Variants in HUWE1 observed in about 807,000 individuals in gnomAD.
HUWE1 encodes the protein E3 ubiquitin-protein ligase HUWE1.
In HUWE1, 18 loss-of-function variants were observed where a neutral mutation model predicts 299.4. That is an observed-to-expected ratio of 0.06 (90% CI 0.04 to 0.09). The LOEUF is 0.09. Ranked by LOEUF, HUWE1 falls within the 10% of genes least tolerant of loss-of-function variation. The pLI is 1.00. For missense variants in HUWE1, 1,832 were observed against 3,462.3 expected (o/e 0.53, Z 11.82); for synonymous variants, 1,317 against 1,286.1 (o/e 1.02, Z -0.51).
chrX:53,623,473 G>A (rs1557014190), intron 19 of HUWE1, among the ~76,000 whole-genome samples: 2 of 112,051 alleles, frequency 1.8e-5, no homozygotes, highest in Non-Finnish European at 3.8e-5. Flanking sequence ...ACCACAAGAA[G>A]ACTTCCTCAA....
intron 24 of HUWE1, among the ~76,000 whole-genome samples, chrX:53,608,512 T>C (rs2065267895): frequency 8.9e-6 from 1 of 111,857 alleles, no homozygotes; most frequent in Admixed American, 9.4e-5. Context: ...CAGTGTTATG[T>C]TGGTACTCAA....
At chrX:53,588,347 A>C in intron 37 of HUWE1, 35 bp downstream of exon 37, 1 of 1,182,460 alleles carries the variant, frequency 8.5e-7, no homozygotes, top group Non-Finnish European at 1.1e-6. Context: ...TTCTTTCATG[A>C]ATGAATTACA....
Position 53,658,471 on chromosome X carries a change from A to G in HUWE1, c.-24-4340T>C, listed in dbSNP as rs1360659928. ...ATTACCCAAAATCAAGTCTTATCAT[A>G]AGACAACAGTAAGTAAGAGTACTGT... On this transcript the variant is annotated intron_variant, in intron 3 of 83. Coordinates refer to ENST00000262854, the MANE Select transcript of HUWE1 (RefSeq NM_031407.7). 3.6e-5 allele frequency among the ~76,000 whole-genome samples: 4 copies of G among 112,012 alleles called. No individual in the cohort carries two copies. In the East Asian group the frequency reaches 8.3e-4, roughly 23 times the overall value.
At chrX:53,679,320 G>C (rs1232259337) in intron 3 of HUWE1, among the ~76,000 whole-genome samples, 1 of 111,883 alleles carries the variant, frequency 8.9e-6, no homozygotes, top group East Asian at 2.8e-4. Context: ...TCAGAAATCT[G>C]AACATTTTAT....
intron 9 of HUWE1, chrX:53,631,958 G>A: frequency 3.1e-6 from 1 of 322,146 alleles, no homozygotes; most frequent in South Asian, 3.5e-5. Context: ...TTTTCTCTCT[G>A]AATATGTATT....
intron 23 of HUWE1, 27 bp from the exon 24 acceptor site, chrX:53,608,936 C>T: frequency 4.6e-6 from 4 of 862,841 alleles, no homozygotes; most frequent in Non-Finnish European, 6.9e-6. Context: ...GAGTGAGTTA[C>T]ACAGAAATTC....
chrX:53,629,752 A>T (rs1291794537), intron 12 of HUWE1, 136 bp from the exon 13 acceptor site: 1 of 453,114 alleles, frequency 2.2e-6, no homozygotes, highest in Non-Finnish European at 3.9e-6. Context: ...AATCATCACC[A>T]AATTAAATTC....
chrX:53,680,442 G>C lies in HUWE1; in HGVS notation c.-162-256C>G, dbSNP rs781873453. On this transcript the variant is annotated intron_variant, in intron 2 of 83. Coordinates refer to ENST00000262854, the MANE Select transcript of HUWE1 (RefSeq NM_031407.7). Reference sequence around the variant, plus strand: ...AGTTCTCAACCCAAATGAAATTATAGAAGACAGTTTATTTTTTAGACAAGT... The same window carrying C: ...AGTTCTCAACCCAAATGAAATTATACAAGACAGTTTATTTTTTAGACAAGT... 6.8e-5 allele frequency: 11 copies of C among 161,261 alleles called. No individual in the cohort carries two copies. The East Asian group carries it at 1.5e-3, about 22-fold the overall frequency. 13.3% of individuals were successfully genotyped at this position (161,261 alleles called of 1,213,427 possible). A position where few individuals can be genotyped will look rare whatever the true frequency, so the allele number is the denominator to read the frequency against.
chrX:53,582,632 G>A (rs1288399743), intron 42 of HUWE1, among the ~76,000 whole-genome samples: 1 of 112,517 alleles, frequency 8.9e-6, no homozygotes, highest in Non-Finnish European at 1.9e-5. Flanking sequence ...AGAGGAAAAC[G>A]GAAGCAAAGT....
intron 50 of HUWE1, among the ~76,000 whole-genome samples, 172 bp from the exon 51 acceptor site, chrX:53,564,894 C>T (rs1556944195): frequency 8.9e-6 from 1 of 112,670 alleles, no homozygotes; most frequent in African/African-American, 3.2e-5. Flanking sequence ...GATAGCCAAA[C>T]AAGGCTGCAT....
chrX:53,593,487 C>G lies in HUWE1; in HGVS notation c.3618G>C (p.Val1206=). ...GEFLDAWLML[V]EKMVNPTTVL... is the part of the protein sequence containing the mutation. Reference sequence around the variant, plus strand: ...CCGTGGTGGGATTCACCATCTTCTCCACCAGCATAAGCCAGGCATCTAGGA... The same window carrying G: ...CCGTGGTGGGATTCACCATCTTCTCGACCAGCATAAGCCAGGCATCTAGGA... The change falls in exon 32 of 84, where the codon GTG becomes GTC. Residue 1206 remains valine (V), a synonymous_variant. Coordinates refer to ENST00000262854, the MANE Select transcript of HUWE1 (RefSeq NM_031407.7). 1 of 1,210,829 alleles carries G rather than the reference C, an allele frequency of 8.3e-7. No homozygotes were observed. Among genetic ancestry groups the G allele is most frequent in the Non-Finnish European group, 1.1e-6 (1 of 894,561 alleles).
chrX:53,627,355 T>C, intron 17 of HUWE1, 55 bp downstream of exon 17: 2 of 706,143 alleles, frequency 2.8e-6, no homozygotes, highest in Non-Finnish European at 4.5e-6. Context: ...AAAACTGGGG[T>C]GGGATGACAA....
At chrX:53,539,628 G>A in intron 75 of HUWE1, 29 bp downstream of exon 75, 1 of 1,207,545 alleles carries the variant, frequency 8.3e-7, no homozygotes, top group Non-Finnish European at 1.1e-6. Flanking sequence ...CCACTGGGTT[G>A]GGACCTGGGC....
chrX:53,659,850 T>G (rs1428980797), intron 3 of HUWE1, among the ~76,000 whole-genome samples: 1 of 111,857 alleles, frequency 8.9e-6, no homozygotes, highest in Admixed American at 9.5e-5. Flanking sequence ...GTAAAACTAC[T>G]CTAAAAATAA....
chrX:53,614,859 T>C (rs189833959), intron 22 of HUWE1, 114 bp from the exon 23 acceptor site: 2 of 512,922 alleles, frequency 3.9e-6, no homozygotes, highest in African/African-American at 4.6e-5. Flanking sequence ...AAACACTTTG[T>C]ATACATGTTA....
At chrX:53,559,923 A>T (rs1438115100) in intron 56 of HUWE1, among the ~76,000 whole-genome samples, 2 of 112,408 alleles carry the variant, frequency 1.8e-5, no homozygotes, top group African/African-American at 6.5e-5. Context: ...GTCTATATCT[A>T]AAGTGTTAAG....
chrX:53,665,389 A>T (rs782432991), intron 3 of HUWE1, among the ~76,000 whole-genome samples: 2 of 112,648 alleles, frequency 1.8e-5, no homozygotes, highest in East Asian at 5.6e-4. Context: ...TTAAGAGTTT[A>T]TGCTGGCTCT....
At chrX:53,632,092 A>T in intron 9 of HUWE1, 2 of 337,979 alleles carry the variant, frequency 5.9e-6, no homozygotes, top group Non-Finnish European at 1.1e-5. Flanking sequence ...TCCTCAAACA[A>T]TACAAAATGA....
intron 49 of HUWE1, among the ~76,000 whole-genome samples, chrX:53,566,930 AT>A (rs1277813179): frequency 3.8e-4 from 42 of 111,986 alleles, no homozygotes; most frequent in African/African-American, 1.3e-3. Flanking sequence ...AAAAAAAAAA[AT>A]GTGACAACCA....
Sources: allele counts gnomAD v4.1 joint callset (sites outside exome capture counted in the v4.1 genomes callset), GRCh38; gene constraint gnomAD v4.1.1; transcripts MANE v1.5; gene names NCBI Gene and HGNC (gene_info 2026-07-23, HGNC 2026-07-21).